The following SLC45A2 variants were observed in gnomAD, a reference collection of about 807,000 sequenced individuals.
The protein encoded by SLC45A2 is solute carrier family 45 member 2, also known as membrane-associated transporter protein.
Under a neutral mutation model 45.5 loss-of-function variants are expected in SLC45A2, and 36 were observed. The observed-to-expected ratio is 0.79, with a 90% CI of 0.61 to 1.04. The LOEUF (loss-of-function observed/expected upper bound fraction) is 1.04. Among genes scored for constraint, SLC45A2 ranks in the 50% least tolerant of loss-of-function variants. The pLI is 0.00. For synonymous variants in SLC45A2, 306 were observed against 269.3 expected (o/e 1.14, Z -1.33); for missense variants, 719 against 671.0 (o/e 1.07, Z -0.79).
At chr5:33,959,420 A>G (rs1450935263) in intron 3 of SLC45A2, among the ~76,000 whole-genome samples, 1 of 152,190 alleles carries the variant, frequency 6.6e-6, no homozygotes, top group African/African-American at 2.4e-5. Context: ...AAGGAGAGTC[A>G]AAGAGTACAA....
Position 33,963,861 on chromosome 5 carries a change from C to T in SLC45A2, c.718G>A (p.Ala240Thr), listed in dbSNP as rs759040858. ...CCCTTTGCAACCTCTGTAAGTGGGG[C>T]TTCAGAGATACTGCACAGATGAACA... ...FTVHLCSISEAPLTEVAKGIP... is the reference protein window; with the variant it reads ...FTVHLCSISETPLTEVAKGIP... The change falls in exon 3 of 7, where the codon GCC becomes ACC. Residue 240 changes from alanine to threonine, a missense_variant. Coordinates refer to ENST00000296589, the MANE Select transcript of SLC45A2 (RefSeq NM_016180.5). 6.2e-7 allele frequency: 1 copy of T among 1,614,072 alleles called. No individual in the cohort carries two copies. Among genetic ancestry groups the T allele is most frequent in the Non-Finnish European group, 8.5e-7 (1 of 1,180,014 alleles).
At chr5:33,956,215 G>A (rs1168978498) in intron 3 of SLC45A2, among the ~76,000 whole-genome samples, 4 of 152,112 alleles carry the variant, frequency 2.6e-5, no homozygotes, top group Non-Finnish European at 2.9e-5. Context: ...CACTCAATGG[G>A]TACCAAAAGT....
chr5:33,957,785 C>T (rs934861086), intron 3 of SLC45A2, among the ~76,000 whole-genome samples: 6 of 152,166 alleles, frequency 3.9e-5, no homozygotes, highest in African/African-American at 9.7e-5. Flanking sequence ...AGTACTCAGC[C>T]TCATTCTAAA....
chr5:33,945,563 G>C (rs1241568941), intron 6 of SLC45A2, among the ~76,000 whole-genome samples: 1 of 151,594 alleles, frequency 6.6e-6, no homozygotes, highest in African/African-American at 2.4e-5. Context: ...ACCTGTTACT[G>C]TATTTCAACC....
At chr5:33,978,655 C>G (rs1002057182) in intron 2 of SLC45A2, among the ~76,000 whole-genome samples, 1 of 152,140 alleles carries the variant, frequency 6.6e-6, no homozygotes, top group African/African-American at 2.4e-5. Flanking sequence ...ACCTGTGAGC[C>G]CCCCTCTTCA....
intron 2 of SLC45A2, among the ~76,000 whole-genome samples, chr5:33,968,217 T>G (rs6451050): frequency 0.97 from 147,899 of 152,294 alleles, 71,912 homozygotes; most frequent in Non-Finnish European, 1. Context: ...TGCTTCTTCT[T>G]CTTAAGCCAA....
At chr5:33,947,862 T>C (rs1207627457) in intron 5 of SLC45A2, among the ~76,000 whole-genome samples, 1 of 152,234 alleles carries the variant, frequency 6.6e-6, no homozygotes, top group Non-Finnish European at 1.5e-5. Context: ...CATGATTTCT[T>C]AGCCCCCATC....
At chr5:33,972,123 T>A in intron 2 of SLC45A2, 1 of 518,654 alleles carries the variant, frequency 1.9e-6, no homozygotes, top group Non-Finnish European at 4.0e-6. Flanking sequence ...ATCAGAGAAA[T>A]GTTTAATTAT....
chr5:33,959,141 C>T (rs1444890381), intron 3 of SLC45A2, among the ~76,000 whole-genome samples: 4 of 152,026 alleles, frequency 2.6e-5, no homozygotes, highest in Non-Finnish European at 5.9e-5. Flanking sequence ...TTCCTGTGAG[C>T]CTATCATCCA....
chr5:33,964,005 C>A lies in SLC45A2; in HGVS notation c.574G>T (p.Ala192Ser), dbSNP rs759637475. Residue 192 changes from alanine (A) to serine (S), a missense_variant, in exon 3 of 7, where the codon GCC (alanine) becomes TCC (serine). By Grantham distance (99) the Ala-to-Ser change is moderately conservative (BLOSUM62 1). Coordinates refer to ENST00000296589, the MANE Select transcript of SLC45A2 (RefSeq NM_016180.5). ...ATAGCACCCAAAAGGTAACCCAGGG[C>A]ACCTCCAAAACCTGGAAAGCAAGAA... ...YHALFTGFGG[A>S]LGYLLGAIDW... 4 of 1,613,762 alleles carry A rather than the reference C, an allele frequency of 2.5e-6. No individual in the cohort carries two copies. The African/African-American group carries it at 4.0e-5, about 16-fold the overall frequency.
chr5:33,970,148 C>T (rs1579553492), intron 2 of SLC45A2, among the ~76,000 whole-genome samples: 2 of 152,346 alleles, frequency 1.3e-5, no homozygotes, highest in East Asian at 3.9e-4. Context: ...TCGGTCCCCA[C>T]CTGCCTCCCT....
At chr5:33,959,194 A>G (rs1416160883) in intron 3 of SLC45A2, among the ~76,000 whole-genome samples, 3 of 151,768 alleles carry the variant, frequency 2.0e-5, no homozygotes, top group Non-Finnish European at 4.4e-5. Flanking sequence ...TTTTTCCTCT[A>G]TGTTATGCAG....
intron 2 of SLC45A2, among the ~76,000 whole-genome samples, chr5:33,965,627 G>A (rs1479299176): frequency 6.6e-6 from 1 of 152,168 alleles, no homozygotes; most frequent in East Asian, 1.9e-4. Flanking sequence ...ATGGTGAAGT[G>A]CCCAGGATTT....
chr5:33,950,631 G>A (rs1419598557), intron 5 of SLC45A2, among the ~76,000 whole-genome samples: 1 of 152,196 alleles, frequency 6.6e-6, no homozygotes, highest in Non-Finnish European at 1.5e-5. Flanking sequence ...GAAGCAGGCT[G>A]ACAGTGACAG....
rs116168510 is a variant in SLC45A2 at position 33,963,259 on chromosome 5, A to G, written c.888+432T>C. 2.6e-3 allele frequency among the ~76,000 whole-genome samples: 392 copies of G among 152,328 alleles called. 2 individuals are homozygous for G. Among genetic ancestry groups the G allele is most frequent in the African/African-American group, 9.1e-3 (380 of 41,566 alleles). On this transcript the variant is annotated intron_variant, in intron 3 of 6. Coordinates refer to ENST00000296589, the MANE Select transcript of SLC45A2 (RefSeq NM_016180.5). ...TTCACTGTGCAGTTCGCTGAAAATGAACGAAAATATCCAATCAACTCATGA... is the reference window on the plus strand; with the variant it reads ...TTCACTGTGCAGTTCGCTGAAAATGGACGAAAATATCCAATCAACTCATGA...
chr5:33,978,437 G>GAATTAACTAA (rs1752990084), intron 2 of SLC45A2, among the ~76,000 whole-genome samples: 3 of 151,580 alleles, frequency 2.0e-5, no homozygotes, highest in East Asian at 1.9e-4. Flanking sequence ...TTTTTTTAGA[G>GAATTAACTAA]AGCCTGACAC....
chr5:33,970,766 G>A, intron 2 of SLC45A2: 1 of 251,652 alleles, frequency 4.0e-6, no homozygotes, highest in South Asian at 5.2e-5. Flanking sequence ...GATAGTGGTG[G>A]TCAATGAACA....
At chr5:33,946,909 T>C (rs1561353983) in intron 6 of SLC45A2, 4 of 1,408,766 alleles carry the variant, frequency 2.8e-6, no homozygotes, top group Non-Finnish European at 2.8e-6. Context: ...ATTAGAAAAA[T>C]GGGAGTAACA....
intron 2 of SLC45A2, among the ~76,000 whole-genome samples, chr5:33,968,165 G>A (rs528665350): frequency 9.2e-5 from 14 of 152,092 alleles, no homozygotes; most frequent in African/African-American, 3.1e-4. Context: ...ATATGATGAG[G>A]GCCAGTAGAG....
Sources: gnomAD v4.1 joint callset for allele counts (sites outside exome capture counted in the v4.1 genomes callset) on GRCh38, gnomAD v4.1.1 for gene constraint, MANE v1.5 for transcripts, NCBI Gene and HGNC (gene_info 2026-07-23, HGNC 2026-07-21) for gene names.